Variants in KCNN1 observed in about 807,000 individuals in gnomAD.
KCNN1 encodes small conductance calcium-activated potassium channel protein 1.
A neutral mutation model predicts 44.7 loss-of-function variants in KCNN1; 20 were observed. The ratio of observed to expected loss-of-function variants is 0.45; its 90% confidence interval spans 0.32 to 0.65. The LOEUF is 0.65. KCNN1 is among the 30% of genes least tolerant of loss of function. The pLI is 0.05. For missense variants in KCNN1, 632 were observed against 785.3 expected (o/e 0.80, Z 2.33); for synonymous variants, 324 against 341.7 (o/e 0.95, Z 0.57).
intron 1 of KCNN1, among the ~76,000 whole-genome samples, chr19:17,968,578 CCTGACTGGGATT>C (rs1215397710): frequency 6.6e-6 from 1 of 152,048 alleles, no homozygotes; most frequent in Non-Finnish European, 1.5e-5. Context: ...GCCCTGGGGG[CCTGACTGGGATT>C]CTGTCTCTTC....
intron 2 of KCNN1, among the ~76,000 whole-genome samples, chr19:17,957,065 CAAAACAAA>C (rs959124298): frequency 2.0e-5 from 2 of 98,422 alleles, no homozygotes; most frequent in African/African-American, 7.5e-5. Context: ...CAAAACAAAA[CAAAACAAA>C]AAAACAAAAA....
At chr19:17,970,308 T>A in intron 1 of KCNN1, among the ~76,000 whole-genome samples, 1 of 100,644 alleles carries the variant, frequency 9.9e-6, no homozygotes, top group Admixed American at 1.0e-4. Flanking sequence ...TTTTTTTTTT[T>A]TTTTTTTTTT....
rs2032867333 is a variant in KCNN1 at position 17,993,409 on chromosome 19, G to A, written c.1308-81G>A. The A allele has an allele frequency of 4.0e-6, 4 of 1,008,884 alleles. No individual in the cohort carries two copies. In the East Asian group the frequency reaches 1.0e-4, roughly 26 times the overall value. The allele number at this position is 1,008,884 out of a possible 1,614,324, so 62.5% of individuals were successfully genotyped here. On this transcript the variant is annotated intron_variant, in intron 8 of 9. Coordinates refer to ENST00000684775, the MANE Select transcript of KCNN1 (RefSeq NM_001386974.1). The surrounding 1 kb of genome is among the most constrained non-coding windows in gnomAD (Gnocchi z 4.5). ...GCATGTCCCATAGGTGACCCCGGGT[G>A]GGTGCATGAAAGTCCCTGCCCCCAC...
At chr19:17,965,725 C>T (rs1012183349), upstream of KCNN1, among the ~76,000 whole-genome samples, 14 of 145,298 alleles carry the variant, frequency 9.6e-5, no homozygotes, top group Non-Finnish European at 1.2e-4. Context: ...TCAGATCACT[C>T]GTAACAGCCC....
In KCNN1 at chr19:17,986,919, G is replaced by A. The variant is rs186704694; in HGVS notation, c.1059+1466G>A. On this transcript the variant is annotated intron_variant, in intron 5 of 9. Coordinates refer to ENST00000684775, the MANE Select transcript of KCNN1 (RefSeq NM_001386974.1). ...CCTCCCGGGTTCAAGCCATTCTCCT[G>A]CCTCAGCTTCCTGAGTAGCTGGAAT... is the stretch of plus-strand genomic sequence containing the variant. 5.8e-4 allele frequency among the ~76,000 whole-genome samples: 89 copies of A among 152,192 alleles called. 1 individual carries two copies. The highest frequency in any genetic ancestry group is 6.8e-3 in the Middle Eastern group (2 of 294).
At position 17,998,490 on chromosome 19, in the gene KCNN1, G is replaced by T; in HGVS notation, c.*84G>T. 1 of 1,335,448 alleles carries T rather than the reference G, an allele frequency of 7.5e-7. No individual in the cohort carries two copies. Among genetic ancestry groups the T allele is most frequent in the South Asian group, 1.5e-5 (1 of 64,926 alleles). 82.7% of individuals were successfully genotyped at this position (1,335,448 alleles called of 1,614,324 possible). On this transcript the variant is annotated 3_prime_UTR_variant, in exon 10 of 10. Transcript: ENST00000684775. The surrounding 1 kb of genome is among the most constrained non-coding windows in gnomAD (Gnocchi z 5.4). ...GAAGCCTTGTACAGTGGCGCCTCTT[G>T]GAGTTCAAGAAGCCAACGCTGAGTC...
chr19:17,968,699 C>T lies in KCNN1; in HGVS notation c.-82+1382C>T, dbSNP rs1009646230. 3.9e-5 allele frequency among the ~76,000 whole-genome samples: 6 copies of T among 152,134 alleles called. No individual in the cohort carries two copies. In the South Asian group the frequency reaches 8.3e-4, roughly 21 times the overall value. The stretch of plus-strand genomic sequence containing the variant: ...GCTCTCATGGGTCCCCCCAGGCACA[C>T]GAGGTTCCCCCAGAAGTGTGTGTCT... On this transcript the variant is annotated intron_variant, in intron 1 of 9. Coordinates refer to ENST00000684775, the MANE Select transcript of KCNN1 (RefSeq NM_001386974.1).
intron 2 of KCNN1, among the ~76,000 whole-genome samples, chr19:17,957,110 A>AGAGG (rs1326675547): frequency 7.8e-6 from 1 of 127,404 alleles, no homozygotes; most frequent in Non-Finnish European, 1.7e-5. Flanking sequence ...AGGGAGGGAC[A>AGAGG]GAGGGAGGGA....
rs80080221 is a variant in KCNN1, at chr19:17,969,862, C to A, written c.-82+2545C>A. ...TGGGCCCCCTGGAGGAGGGCAGGAT[C>A]TGGGGTTCCTGTGTGCACCCTAGTG... On this transcript the variant is annotated intron_variant, in intron 1 of 9. Transcript: ENST00000684775. Among the ~76,000 whole-genome samples, 852 of 152,316 alleles carry A rather than the reference C, an allele frequency of 5.6e-3. 7 individuals are homozygous for A. Among genetic ancestry groups the A allele is most frequent in the Non-Finnish European group, 9.1e-3 (621 of 68,022 alleles).
rs956292091 is a variant in KCNN1 at position 17,967,145 on chromosome 19, G to C, written c.-254G>C. The stretch of plus-strand genomic sequence containing the variant: ...CCGCCGGGCCCGTGGACTGGGCGGC[G>C]GGGGATGCGCCTGCCGCCGCCGCCC... On this transcript the variant is annotated 5_prime_UTR_variant, in exon 1 of 10. Coordinates refer to ENST00000684775, the MANE Select transcript of KCNN1 (RefSeq NM_001386974.1). 2.1e-6 allele frequency: 2 copies of C among 970,558 alleles called. No individual in the cohort carries two copies. Among genetic ancestry groups the C allele is most frequent in the African/African-American group, 1.8e-5 (1 of 56,458 alleles). 60.1% of individuals were successfully genotyped at this position (970,558 alleles called of 1,614,324 possible). A position where few individuals can be genotyped will look rare whatever the true frequency, so the allele number is the denominator to read the frequency against.
At chr19:17,963,741 T>G (rs929868792), upstream of KCNN1, among the ~76,000 whole-genome samples, 1 of 145,168 alleles carries the variant, frequency 6.9e-6, no homozygotes, top group Non-Finnish European at 1.5e-5. Flanking sequence ...TTTTTTTTTT[T>G]GTGAGATAGG....
intron 2 of KCNN1, among the ~76,000 whole-genome samples, chr19:17,960,988 C>T (rs1050229657): frequency 8.6e-5 from 13 of 151,928 alleles, no homozygotes. Context: ...GAGTTGGAGA[C>T]CAACCTGGTC....
intron 1 of KCNN1, among the ~76,000 whole-genome samples, chr19:17,952,579 A>G (rs2031440266): frequency 6.6e-6 from 1 of 152,012 alleles, no homozygotes; most frequent in Non-Finnish European, 1.5e-5. Context: ...GGAAGCGCAG[A>G]CATCCCCCTC....
At chr19:17,972,054 C>T (rs1022134211) in intron 1 of KCNN1, 6 of 151,982 alleles carry the variant, frequency 3.9e-5, no homozygotes, top group South Asian at 2.1e-4. Flanking sequence ...TGAACACTCC[C>T]GATCTCATCT....
chr19:17,960,654 G>GAAAT (rs1206566491), intron 2 of KCNN1, among the ~76,000 whole-genome samples: 3 of 151,672 alleles, frequency 2.0e-5, no homozygotes, highest in Non-Finnish European at 2.9e-5. Context: ...GAAAAGAAAA[G>GAAAT]AAAAACACAC....
chr19:17,982,130 G>A lies in KCNN1; in HGVS notation c.917+3G>A. ...TGGACCGTGCGCGTCTGCGAGAGGT[G>A]CGACCGCCGCCCCTGGAGCCCCCCC... On this transcript the variant is annotated splice_donor_region_variant and intron_variant, in intron 4 of 9. Transcript: ENST00000684775. 1 of 1,528,714 alleles carries A rather than the reference G, an allele frequency of 6.5e-7. No homozygotes were observed. Among genetic ancestry groups the A allele is most frequent in the South Asian group, 1.2e-5 (1 of 80,784 alleles). The allele number at this position is 1,528,714 out of a possible 1,614,324, so 94.7% of individuals were successfully genotyped here. A position where few individuals can be genotyped will look rare whatever the true frequency, so the allele number is the denominator to read the frequency against.
chr19:17,968,929 T>G lies in KCNN1; in HGVS notation c.-82+1612T>G, dbSNP rs116120439. ...CTGGTCTCGAGCTCCTGGGCTGAAG[T>G]GATCTCCTGCCTTGGCCTCTTGAAT... is the stretch of plus-strand genomic sequence containing the variant. On this transcript the variant is annotated intron_variant, in intron 1 of 9. Transcript: ENST00000684775. Among the ~76,000 whole-genome samples the G allele has an allele frequency of 6.4e-3, 977 of 152,294 alleles. 12 individuals carry two copies. Among genetic ancestry groups the G allele is most frequent in the African/African-American group, 0.022 (924 of 41,564 alleles).
chr19:17,987,983 AACACACACAC>A (rs34814590), intron 5 of KCNN1, among the ~76,000 whole-genome samples: 1 of 148,010 alleles, frequency 6.8e-6, no homozygotes, highest in African/African-American at 2.5e-5. Context: ...TTACTAAACA[AACACACACAC>A]ACACACACAC....
intron 1 of KCNN1, among the ~76,000 whole-genome samples, chr19:17,971,170 C>T (rs1489393253): frequency 6.6e-6 from 1 of 152,108 alleles, no homozygotes; most frequent in Non-Finnish European, 1.5e-5. Context: ...AGGCGTGAGC[C>T]ACTGCACCCA....
Sources: allele counts gnomAD v4.1 joint callset (sites outside exome capture counted in the v4.1 genomes callset), GRCh38; gene constraint gnomAD v4.1.1; non-coding constraint Gnocchi (gnomAD v3.1); transcripts MANE v1.5; gene names NCBI Gene and HGNC (gene_info 2026-07-23, HGNC 2026-07-21).